Variants in MLLT3 observed in about 807,000 individuals in gnomAD.
MLLT3 encodes the protein protein AF-9.
A neutral mutation model predicts 53.2 loss-of-function variants in MLLT3; 4 were observed. The observed-to-expected ratio is 0.08, with a 90% CI of 0.04 to 0.17. The LOEUF is 0.17. Ranked by LOEUF, MLLT3 falls within the 10% of genes least tolerant of loss-of-function variation. The pLI, the probability that MLLT3 is intolerant of heterozygous loss-of-function variation, is 1.00. For synonymous variants in MLLT3, 283 were observed against 230.6 expected (o/e 1.23, Z -2.06); for missense variants, 569 against 684.0 (o/e 0.83, Z 1.87).
intron 2 of MLLT3, among the ~76,000 whole-genome samples, chr9:20,544,288 C>T (rs1248386854): frequency 6.6e-6 from 1 of 151,920 alleles, no homozygotes; most frequent in African/African-American, 2.4e-5. Context: ...GTATAGGCAA[C>T]GAAGCAAAAG....
At chr9:20,606,987 ACCTTGT>A (rs1820586345) in intron 2 of MLLT3, among the ~76,000 whole-genome samples, 2 of 152,144 alleles carry the variant, frequency 1.3e-5, no homozygotes, top group Non-Finnish European at 2.9e-5. Flanking sequence ...AGTAGAGAAC[ACCTTGT>A]CCTCTGGTTC....
chr9:20,525,540 T>C (rs1012505815), intron 2 of MLLT3, among the ~76,000 whole-genome samples: 1 of 152,162 alleles, frequency 6.6e-6, no homozygotes, highest in Non-Finnish European at 1.5e-5. Context: ...TTTACAGTAC[T>C]GAGGTTTTAA....
chr9:20,525,146 A>G lies in MLLT3; in HGVS notation c.194-68360T>C, dbSNP rs540924742. Among the ~76,000 whole-genome samples the G allele has an allele frequency of 2.1e-3, 320 of 151,000 alleles. 3 individuals are homozygous for G. Among genetic ancestry groups the G allele is most frequent in the African/African-American group, 6.9e-3 (284 of 40,954 alleles). On this transcript the variant is annotated intron_variant, in intron 2 of 10. Transcript: ENST00000380338. ...AAGACTAAAAAAAAAAAAAAAAAAA[A>G]CAGAGGCGTGAAAAAAGTAGCTAGC...
Position 20,583,586 on chromosome 9 carries a change from G to C in MLLT3, c.193+37068C>G, listed in dbSNP as rs375936022. On this transcript the variant is annotated intron_variant, in intron 2 of 10. Coordinates refer to ENST00000380338, the MANE Select transcript of MLLT3 (RefSeq NM_004529.4). ...ATACATCTTCTGCAATCTAGGCAGA[G>C]GTTCCCAAACCTCAATCCTTGACTT... 2.6e-5 allele frequency among the ~76,000 whole-genome samples: 4 copies of C among 152,300 alleles called. 1 individual carries two copies. The highest frequency in any genetic ancestry group is 2.1e-4 in the South Asian group (1 of 4,828).
At chr9:20,521,492 G>A (rs1290752512) in intron 2 of MLLT3, among the ~76,000 whole-genome samples, 4 of 151,934 alleles carry the variant, frequency 2.6e-5, no homozygotes, top group Non-Finnish European at 4.4e-5. Context: ...GTGTAAATGA[G>A]AGAAAATGGA....
intron 4 of MLLT3, among the ~76,000 whole-genome samples, chr9:20,426,014 TC>T (rs1260828922): frequency 6.6e-6 from 1 of 152,036 alleles, no homozygotes; most frequent in African/African-American, 2.4e-5. Context: ...TGCCCTTTTT[TC>T]CTCAAATGAC....
intron 2 of MLLT3, among the ~76,000 whole-genome samples, chr9:20,581,704 T>C (rs1819796842): frequency 6.6e-6 from 1 of 152,188 alleles, no homozygotes; most frequent in Non-Finnish European, 1.5e-5. Flanking sequence ...TCATATAAGA[T>C]GCAGGAACAC....
At chr9:20,405,271 T>C (rs1241344040) in intron 5 of MLLT3, among the ~76,000 whole-genome samples, 1 of 152,188 alleles carries the variant, frequency 6.6e-6, no homozygotes, top group East Asian at 1.9e-4. Flanking sequence ...CAGAGTCCAT[T>C]ACTCACACCC....
Position 20,588,214 on chromosome 9 carries a change from T to G in MLLT3, c.193+32440A>C, listed in dbSNP as rs200148918. ...CCATTGATCTATATCTCTGTTTTGGTACCAGTACCATGCTGTTTTGGTGAC... is the reference window on the plus strand; with the variant it reads ...CCATTGATCTATATCTCTGTTTTGGGACCAGTACCATGCTGTTTTGGTGAC... On this transcript the variant is annotated intron_variant, in intron 2 of 10. Coordinates refer to ENST00000380338, the MANE Select transcript of MLLT3 (RefSeq NM_004529.4). 1.4e-4 allele frequency among the ~76,000 whole-genome samples: 21 copies of G among 151,696 alleles called. No homozygotes were observed. The East Asian group carries it at 4.1e-3, about 30-fold the overall frequency.
chr9:20,403,641 T>C (rs1305538905), intron 5 of MLLT3, among the ~76,000 whole-genome samples: 1 of 152,212 alleles, frequency 6.6e-6, no homozygotes. Context: ...GATCATCAGA[T>C]AACTTAGCAC....
intron 2 of MLLT3, among the ~76,000 whole-genome samples, chr9:20,549,084 G>C (rs755526171): frequency 1.3e-5 from 2 of 151,972 alleles, no homozygotes; most frequent in South Asian, 2.1e-4. Flanking sequence ...CAAAGTGCTG[G>C]GGTTACAGGC....
At chr9:20,365,800 A>G in intron 5 of MLLT3, 56 bp from the exon 6 acceptor site, 3 of 1,575,474 alleles carry the variant, frequency 1.9e-6, no homozygotes, top group Non-Finnish European at 2.6e-6. Flanking sequence ...CCACACATCT[A>G]AAGTTGAAAA....
At chr9:20,546,451 G>C (rs1434911604) in intron 2 of MLLT3, among the ~76,000 whole-genome samples, 1 of 151,908 alleles carries the variant, frequency 6.6e-6, no homozygotes, top group Non-Finnish European at 1.5e-5. Context: ...ACCAAGGCAG[G>C]AGGATTGCTT....
intron 2 of MLLT3, among the ~76,000 whole-genome samples, chr9:20,537,318 G>A (rs187975856): frequency 5.3e-4 from 81 of 152,190 alleles, no homozygotes; most frequent in African/African-American, 1.9e-3. Flanking sequence ...CTAGAGTAGG[G>A]GGCAGAGTTA....
intron 2 of MLLT3, among the ~76,000 whole-genome samples, chr9:20,548,674 G>C (rs7848958): frequency 1.3e-5 from 2 of 151,976 alleles, no homozygotes; most frequent in East Asian, 1.9e-4. Context: ...TCTCTTCTGC[G>C]GGCTCTGGGC....
intron 2 of MLLT3, among the ~76,000 whole-genome samples, chr9:20,601,284 G>A (rs1820414992): frequency 6.6e-6 from 1 of 152,142 alleles, no homozygotes; most frequent in Non-Finnish European, 1.5e-5. Context: ...CTGGCTTCCA[G>A]ATCAAAAATA....
chr9:20,505,804 C>T (rs1250608452), intron 2 of MLLT3, among the ~76,000 whole-genome samples: 1 of 152,136 alleles, frequency 6.6e-6, no homozygotes, highest in Non-Finnish European at 1.5e-5. Context: ...TACAGGTAAG[C>T]AGTAGGCCAG....
intron 2 of MLLT3, among the ~76,000 whole-genome samples, chr9:20,519,491 T>C (rs1818003047): frequency 6.6e-6 from 1 of 152,212 alleles, no homozygotes; most frequent in African/African-American, 2.4e-5. Flanking sequence ...ATAGGCTTTT[T>C]TGACTATATG....
chr9:20,563,256 T>C (rs1157496953), intron 2 of MLLT3, among the ~76,000 whole-genome samples: 1 of 151,808 alleles, frequency 6.6e-6, no homozygotes, highest in Non-Finnish European at 1.5e-5. Flanking sequence ...ACAACATTAA[T>C]GGGTTTACCT....
Sources: gnomAD v4.1 joint callset for allele counts (sites outside exome capture counted in the v4.1 genomes callset) on GRCh38, gnomAD v4.1.1 for gene constraint, MANE v1.5 for transcripts, NCBI Gene and HGNC (gene_info 2026-07-23, HGNC 2026-07-21) for gene names.